Variants in MEGF6 observed in about 807,000 individuals in gnomAD.
MEGF6 encodes the protein multiple epidermal growth factor-like domains protein 6.
MEGF6 carries 184 observed loss-of-function variants against 207.1 expected under a neutral mutation model. That is an observed-to-expected ratio of 0.89 (90% CI 0.79 to 1.00). MEGF6 has a LOEUF of 1.00. Ranked by LOEUF, MEGF6 falls within the 50% of genes least tolerant of loss-of-function variation. The pLI, the probability that MEGF6 is intolerant of heterozygous loss-of-function variation, is 0.00. For synonymous variants in MEGF6, 1,038 were observed against 910.0 expected, an observed-to-expected ratio of 1.14 and a Z score of -2.53; for missense variants, 2,282 against 2,202.9, an observed-to-expected ratio of 1.04 and a Z score of -0.72.
chr1:3,567,790 G>A (rs568624599), intron 4 of MEGF6, among the ~76,000 whole-genome samples: 18 of 152,336 alleles, frequency 1.2e-4, no homozygotes, highest in South Asian at 6.2e-4. Context: ...CCTGTCCTCC[G>A]GGACCTGGTG....
chr1:3,508,999 A>C, intron 12 of MEGF6, 76 bp downstream of exon 12: 2 of 1,412,360 alleles, frequency 1.4e-6, no homozygotes, highest in Non-Finnish European at 1.9e-6. Flanking sequence ...CTCTGATTGG[A>C]TGGCAGCCTA....
intron 5 of MEGF6, among the ~76,000 whole-genome samples, chr1:3,519,658 A>G (rs1034988316): frequency 6.6e-6 from 1 of 152,226 alleles, no homozygotes; most frequent in Non-Finnish European, 1.5e-5. Context: ...CTGCCTACGC[A>G]GTGCCCGGCT....
intron 4 of MEGF6, among the ~76,000 whole-genome samples, chr1:3,568,542 C>T (rs868812811): frequency 6.6e-6 from 1 of 152,086 alleles, no homozygotes; most frequent in African/African-American, 2.4e-5. Context: ...ATCACCTGCA[C>T]CCCAAGCAGC....
chr1:3,546,716 G>A (rs1280296871), intron 4 of MEGF6, among the ~76,000 whole-genome samples: 2 of 144,422 alleles, frequency 1.4e-5, no homozygotes, highest in African/African-American at 5.2e-5. Context: ...CAAGGAGGAC[G>A]CCAAGGCGGG....
rs548333717 is a variant in MEGF6, at chr1:3,585,511, TGA to T, written c.377-5584_377-5583del. On this transcript the variant is annotated intron_variant, in intron 3 of 36. Transcript: ENST00000356575. Reference sequence around the variant, plus strand: ...AGGACACTTGTCCTGTGTGTGGGTGTGAGTGACACATGTCCTGTTGTGGGTGT... The same window carrying T: ...AGGACACTTGTCCTGTGTGTGGGTGTGTGACACATGTCCTGTTGTGGGTGT... 4.1e-5 allele frequency among the ~76,000 whole-genome samples: 6 copies of T among 146,762 alleles called. No homozygotes were observed. In the South Asian group the frequency reaches 1.1e-3, roughly 27 times the overall value.
At chr1:3,495,762 TG>T in intron 30 of MEGF6, 127 bp downstream of exon 30, 1 of 1,201,034 alleles carries the variant, frequency 8.3e-7, no homozygotes, top group Non-Finnish European at 1.1e-6. Context: ...CAGGGTCAAG[TG>T]GGGAGCTGGT....
At chr1:3,618,348 C>T in the MEGF6 span, among the ~76,000 whole-genome samples, 1 of 152,172 alleles carries the variant, frequency 6.6e-6, no homozygotes, top group Non-Finnish European at 1.5e-5. This position sits in a 1 kb window ranked among gnomAD's most constrained non-coding sequence, Gnocchi z 4.7. Flanking sequence ...CTGGGTCCCA[C>T]TCACCCAAAG....
At chr1:3,595,651 G>A (rs1644051912) in intron 2 of MEGF6, among the ~76,000 whole-genome samples, 1 of 152,200 alleles carries the variant, frequency 6.6e-6, no homozygotes, top group African/African-American at 2.4e-5. Context: ...GGCAGCAGGG[G>A]CCATGCTGGA....
At chr1:3,554,633 G>C (rs775066802) in intron 4 of MEGF6, among the ~76,000 whole-genome samples, 4 of 152,198 alleles carry the variant, frequency 2.6e-5, no homozygotes, top group Non-Finnish European at 2.9e-5. Flanking sequence ...CCCCCAGGCA[G>C]GTGCTCCAGA....
intron 34 of MEGF6, chr1:3,493,466 A>G: frequency 2.2e-6 from 1 of 463,596 alleles, no homozygotes; most frequent in Non-Finnish European, 3.9e-6. Context: ...CCCAGTCCAC[A>G]GCTGGCAGAT....
At chr1:3,617,141 C>T in the MEGF6 span, among the ~76,000 whole-genome samples, 1 of 137,694 alleles carries the variant, frequency 7.3e-6, no homozygotes, top group East Asian at 2.6e-4. Context: ...CACAACTGCC[C>T]GCCCTCCCAC....
intron 10 of MEGF6, among the ~76,000 whole-genome samples, chr1:3,510,214 G>T (rs931165015): frequency 6.6e-6 from 1 of 152,088 alleles, no homozygotes; most frequent in East Asian, 1.9e-4. Flanking sequence ...TGCTAGGGGG[G>T]GCCAGGCTGG....
At chr1:3,568,463 G>GCC (rs1643411674) in intron 4 of MEGF6, among the ~76,000 whole-genome samples, 1 of 150,028 alleles carries the variant, frequency 6.7e-6, no homozygotes, top group African/African-American at 2.4e-5. Context: ...GGAGGCTCAA[G>GCC]CAGCAGCTCA....
At chr1:3,563,407 C>A (rs1039979078) in intron 4 of MEGF6, among the ~76,000 whole-genome samples, 1 of 152,160 alleles carries the variant, frequency 6.6e-6, no homozygotes, top group African/African-American at 2.4e-5. Context: ...CAGGCCACGC[C>A]CCAGCTATAG....
Position 3,494,633 on chromosome 1 carries a change from G to T in MEGF6, c.3980C>A (p.Thr1327Lys). ...NGSCSCGLGW[T>K]GRHCELACPP... The stretch of plus-strand genomic sequence containing the variant: ...CTCACCCAGCTCGCAGTGCCGCCCC[G>T]TCCAGCCCAGGCCACAGGAGCAGCT... The change falls in exon 31 of 37, where the codon ACG becomes AAG. Residue 1327 changes from threonine (T) to lysine (K), a missense_variant. Thr to Lys is a moderately conservative substitution (Grantham distance 78, BLOSUM62 -1). Transcript: ENST00000356575. 1 of 1,562,776 alleles carries T rather than the reference G, an allele frequency of 6.4e-7. No homozygotes were observed. The highest frequency in any genetic ancestry group is 8.7e-7 in the Non-Finnish European group (1 of 1,155,444).
intron 15 of MEGF6, 81 bp downstream of exon 15, chr1:3,506,027 A>G: frequency 1.3e-6 from 2 of 1,486,012 alleles, no homozygotes; most frequent in Non-Finnish European, 1.8e-6. Flanking sequence ...ATCCTAACCC[A>G]GACTACAGGT....
intron 4 of MEGF6, 38 bp downstream of exon 4, chr1:3,579,787 C>A: frequency 7.1e-7 from 1 of 1,399,822 alleles, no homozygotes; most frequent in Non-Finnish European, 9.4e-7. Context: ...ACAGGCTGGC[C>A]ATGGCCAGGG....
At chr1:3,567,849 G>A (rs934383473) in intron 4 of MEGF6, among the ~76,000 whole-genome samples, 11 of 152,112 alleles carry the variant, frequency 7.2e-5, no homozygotes, top group South Asian at 2.1e-4. Flanking sequence ...GTAGGACCTC[G>A]GCATAGGAAA....
At position 3,510,899 on chromosome 1, in the gene MEGF6, A is replaced by G. The variant is rs754310472; in HGVS notation, c.1118T>C (p.Val373Ala). The G allele has an allele frequency of 3.1e-6, 5 of 1,602,852 alleles. No individual in the cohort carries two copies. The highest frequency in any genetic ancestry group is 4.3e-6 in the Non-Finnish European group (5 of 1,172,022). The stretch of plus-strand genomic sequence containing the variant: ...GCACGGGCTGTCTGCACAGTCGTCG[A>G]CATCTGTGGAGCACACGCCACGGGC... ...LDTDQRTCID[V>A]DDCADSPCCQ... Residue 373 changes from valine to alanine, a missense_variant, in exon 10 of 37, where the codon GTC (valine) becomes GCC (alanine). Coordinates refer to ENST00000356575, the MANE Select transcript of MEGF6 (RefSeq NM_001409.4).
Sources: allele counts gnomAD v4.1 joint callset (sites outside exome capture counted in the v4.1 genomes callset), GRCh38; gene constraint gnomAD v4.1.1; non-coding constraint Gnocchi (gnomAD v3.1); transcripts MANE v1.5; gene names NCBI Gene and HGNC (gene_info 2026-07-23, HGNC 2026-07-21).